MYOF: variants seen among roughly 807,000 people sequenced by gnomAD.
MYOF encodes the protein fer-1-like 3, myoferlin.
MYOF carries 244 observed loss-of-function variants against 284.2 expected under a neutral mutation model. That is an observed-to-expected ratio of 0.86 (90% CI 0.77 to 0.95). The LOEUF (loss-of-function observed/expected upper bound fraction) is 0.95. Among genes scored for constraint, MYOF ranks in the 40% least tolerant of loss-of-function variants. The pLI is 0.00. For missense variants in MYOF, 2,496 were observed against 2,560.6 expected (o/e 0.97, Z 0.54); for synonymous variants, 904 against 919.7 (o/e 0.98, Z 0.31).
At chr10:93,426,734 C>T (rs1462821291) in intron 4 of MYOF, among the ~76,000 whole-genome samples, 2 of 152,002 alleles carry the variant, frequency 1.3e-5, no homozygotes, top group Non-Finnish European at 2.9e-5. Context: ...ACTAAAAATA[C>T]AAAAATTAAC....
At chr10:93,409,154 G>A (rs568472612) in intron 6 of MYOF, among the ~76,000 whole-genome samples, 7 of 152,160 alleles carry the variant, frequency 4.6e-5, no homozygotes, top group Non-Finnish European at 7.3e-5. Context: ...ATTCAAAGCC[G>A]GCCTGGGAAA....
At chr10:93,424,118 C>T (rs772390260) in intron 5 of MYOF, among the ~76,000 whole-genome samples, 8 of 152,152 alleles carry the variant, frequency 5.3e-5, no homozygotes, top group Non-Finnish European at 7.3e-5. Flanking sequence ...TCCAGAACTG[C>T]GAGAGAATAT....
chr10:93,435,605 T>C (rs11187426), intron 3 of MYOF, among the ~76,000 whole-genome samples: 31,034 of 152,176 alleles, frequency 0.2, 4,019 homozygotes, highest in East Asian at 0.73. Context: ...TAACAATCTG[T>C]TGCTAGGCTT....
At chr10:93,475,757 G>C (rs567263073) in intron 1 of MYOF, among the ~76,000 whole-genome samples, 4 of 152,212 alleles carry the variant, frequency 2.6e-5, no homozygotes, top group Non-Finnish European at 4.4e-5. Flanking sequence ...GATTAGAAAG[G>C]AAAACCCATA....
rs1419211323 is a variant in MYOF, at chr10:93,397,414, T to C, written c.1264A>G (p.Asn422Asp). Reference sequence around the variant, plus strand: ...TTGATCTGAAGATTGACGACCTGATTCCACTCTGGGTTTGCATTTTTCTCA... The same window carrying C: ...TTGATCTGAAGATTGACGACCTGATCCCACTCTGGGTTTGCATTTTTCTCA... ...IIEKNANPEW[N>D]QVVNLQIKFP... The change falls in exon 14 of 54, where the codon AAT becomes GAT. Residue 422 changes from asparagine (N) to aspartate (D), a missense_variant. By Grantham distance (23) the Asn-to-Asp change is conservative (BLOSUM62 1). Coordinates refer to ENST00000359263, the MANE Select transcript of MYOF (RefSeq NM_013451.4). 3 of 1,611,970 alleles carry C rather than the reference T, an allele frequency of 1.9e-6. No individual in the cohort carries two copies. In the African/African-American group the frequency reaches 4.0e-5, roughly 22 times the overall value.
At chr10:93,320,814 A>G (rs968090900) in intron 48 of MYOF, among the ~76,000 whole-genome samples, 23 of 152,198 alleles carry the variant, frequency 1.5e-4, no homozygotes, top group Non-Finnish European at 2.6e-4. Flanking sequence ...TCGAAACTGC[A>G]CATTAGAATC....
intron 6 of MYOF, among the ~76,000 whole-genome samples, chr10:93,409,276 A>G (rs1847782938): frequency 6.6e-6 from 1 of 152,162 alleles, no homozygotes; most frequent in Non-Finnish European, 1.5e-5. Flanking sequence ...CAGGGCCCAG[A>G]GCTGCGAAAA....
intron 53 of MYOF, among the ~76,000 whole-genome samples, chr10:93,308,664 A>C (rs532006871): frequency 1.3e-5 from 2 of 152,016 alleles, no homozygotes; most frequent in African/African-American, 4.8e-5. Flanking sequence ...AACTAGAAGT[A>C]CTATACTGGG....
intron 3 of MYOF, among the ~76,000 whole-genome samples, chr10:93,444,468 AAC>A (rs1432772035): frequency 6.6e-6 from 1 of 152,220 alleles, no homozygotes; most frequent in Non-Finnish European, 1.5e-5. Flanking sequence ...ACTTGTCTAA[AAC>A]ACAATTCTAG....
chr10:93,477,262 C>T (rs1589626213), intron 1 of MYOF, among the ~76,000 whole-genome samples: 2 of 151,932 alleles, frequency 1.3e-5, no homozygotes, highest in Non-Finnish European at 1.5e-5. Flanking sequence ...GAGGCCGAGG[C>T]GGGTGGATCA....
At chr10:93,361,742 T>A (rs1845084643) in intron 27 of MYOF, among the ~76,000 whole-genome samples, 185 bp from the exon 28 acceptor site, 1 of 152,208 alleles carries the variant, frequency 6.6e-6, no homozygotes, top group Non-Finnish European at 1.5e-5. Flanking sequence ...AAATAAAAAT[T>A]AGTTTAAACT....
intron 17 of MYOF, among the ~76,000 whole-genome samples, chr10:93,389,963 G>A (rs1846596339): frequency 6.6e-6 from 1 of 152,182 alleles, no homozygotes; most frequent in African/African-American, 2.4e-5. Flanking sequence ...ATCAGCTTTG[G>A]TTCACTCTGT....
chr10:93,457,853 G>A (rs960356133), intron 1 of MYOF, among the ~76,000 whole-genome samples: 3 of 149,198 alleles, frequency 2.0e-5, no homozygotes, highest in African/African-American at 4.9e-5. Flanking sequence ...CCACCTCGGC[G>A]CCCCATGTAG....
chr10:93,335,884 GT>G, intron 41 of MYOF, 36 bp downstream of exon 41: 1 of 1,604,342 alleles, frequency 6.2e-7, no homozygotes, highest in Non-Finnish European at 8.5e-7. Flanking sequence ...GAAAATGAAG[GT>G]GGATTTTAAA....
intron 29 of MYOF, among the ~76,000 whole-genome samples, 194 bp downstream of exon 29, chr10:93,359,639 G>C (rs1375092524): frequency 1.3e-5 from 2 of 152,184 alleles, no homozygotes; most frequent in Admixed American, 1.3e-4. Context: ...GGAGGTTTGG[G>C]GTGGGACAGT....
chr10:93,388,345 G>A (rs1212649528), intron 18 of MYOF, among the ~76,000 whole-genome samples: 3 of 152,202 alleles, frequency 2.0e-5, no homozygotes, highest in Non-Finnish European at 4.4e-5. Context: ...AGGCTGCCAT[G>A]CTGGCAACCA....
In MYOF at chr10:93,356,777, T is replaced by C. The variant is rs535113424; in HGVS notation, c.3192A>G (p.Lys1064=). The C allele has an allele frequency of 4.0e-5, 65 of 1,614,204 alleles. 1 individual carries two copies. The East Asian group carries it at 1.4e-3, about 34-fold the overall frequency. Residue 1064 remains lysine, a synonymous_variant, in exon 30 of 54, where the codon AAA becomes AAG. Transcript: ENST00000359263. ...GGCGGAAGGTATCTGAACTACGTTG[T>C]TTCCAGTGAAATTTCCAGCCAATTA... ...ASLIGWKFHW[K]QRSSDTFRRR...
Position 93,410,513 on chromosome 10 carries a change from G to A in MYOF, c.434-774C>T, listed in dbSNP as rs549693721. Among the ~76,000 whole-genome samples, 304 of 152,192 alleles carry A rather than the reference G, an allele frequency of 2.0e-3. 1 individual carries two copies. Among genetic ancestry groups the A allele is most frequent in the African/African-American group, 7.1e-3 (293 of 41,500 alleles). The stretch of plus-strand genomic sequence containing the variant: ...TCCTCTCTCTTGTGTACCTCTGGGG[G>A]TTCCGTCTCTATTGCAGCTTTTCCT... On this transcript the variant is annotated intron_variant, in intron 5 of 53. Coordinates refer to ENST00000359263, the MANE Select transcript of MYOF (RefSeq NM_013451.4).
At position 93,340,171 on chromosome 10, in the gene MYOF, G is replaced by A. The variant is rs1054274744; in HGVS notation, c.4327-7C>T. ...TAGTTACCTTTTCTGTCAGCTGCTC[G>A]TGCACATGTCCCGTGAGGAAGAGGG... On this transcript the variant is annotated splice_polypyrimidine_tract_variant and splice_region_variant and intron_variant, in intron 38 of 53. Transcript: ENST00000359263. 1.9e-5 allele frequency: 31 copies of A among 1,613,828 alleles called. No homozygotes were observed. Among genetic ancestry groups the A allele is most frequent in the South Asian group, 3.3e-5 (3 of 91,044 alleles).
Sources: gnomAD v4.1 joint callset for allele counts (sites outside exome capture counted in the v4.1 genomes callset) on GRCh38, gnomAD v4.1.1 for gene constraint, MANE v1.5 for transcripts, NCBI Gene and HGNC (gene_info 2026-07-23, HGNC 2026-07-21) for gene names.